Variants in POLR3E observed in about 807,000 individuals in gnomAD.
POLR3E encodes the protein RNA polymerase III subunit E.
Under a neutral mutation model 96.6 loss-of-function variants are expected in POLR3E, and 41 were observed. The ratio of observed to expected loss-of-function variants is 0.42; its 90% CI spans 0.33 to 0.55. The LOEUF (loss-of-function observed/expected upper bound fraction) is 0.55. Ranked by LOEUF, POLR3E falls within the 20% of genes least tolerant of loss-of-function variation. POLR3E has a pLI of 0.06. For missense variants in POLR3E, 849 were observed against 952.1 expected, an observed-to-expected ratio of 0.89 and a Z score of 1.43; for synonymous variants, 396 against 383.6, an observed-to-expected ratio of 1.03 and a Z score of -0.38.
chr16:22,325,538 C>T (rs1191741713), intron 17 of POLR3E, among the ~76,000 whole-genome samples: 2 of 152,124 alleles, frequency 1.3e-5, no homozygotes, highest in African/African-American at 4.8e-5. Context: ...AACAAGCGGG[C>T]CCGGAAGAGC....
At chr16:22,299,167 T>C (rs947965571) in intron 1 of POLR3E, 2 of 397,292 alleles carry the variant, frequency 5.0e-6, no homozygotes, top group Middle Eastern at 3.8e-4. Flanking sequence ...GCGGTGATGA[T>C]ATTTAATAAA....
At chr16:22,316,570 G>T in intron 9 of POLR3E, 31 bp from the exon 10 acceptor site, 1 of 1,573,826 alleles carries the variant, frequency 6.4e-7, no homozygotes, top group African/African-American at 1.3e-5. Flanking sequence ...ATCAGCTGAG[G>T]CTCCTCTCAC....
At chr16:22,311,970 C>T (rs1406455399) in intron 6 of POLR3E, among the ~76,000 whole-genome samples, 1 of 152,084 alleles carries the variant, frequency 6.6e-6, no homozygotes, top group East Asian at 1.9e-4. Flanking sequence ...GTTTGCACAA[C>T]GATGAAATCA....
chr16:22,298,585 T>C (rs188872438), intron 1 of POLR3E, among the ~76,000 whole-genome samples: 5 of 152,180 alleles, frequency 3.3e-5, no homozygotes, highest in Non-Finnish European at 7.3e-5. Flanking sequence ...AGTTTTGTTC[T>C]CGGGTCCAAG....
chr16:22,317,257 G>A (rs2048376612), intron 12 of POLR3E, 51 bp downstream of exon 12: 3 of 1,325,914 alleles, frequency 2.3e-6, no homozygotes, highest in Non-Finnish European at 3.2e-6. Context: ...AGTGGCTCCT[G>A]AGGAATGGAC....
chr16:22,314,036 G>A (rs768134187), intron 7 of POLR3E, 43 bp from the exon 8 acceptor site: 13 of 1,573,516 alleles, frequency 8.3e-6, no homozygotes, highest in African/African-American at 1.3e-5. Flanking sequence ...AAGGGAGGTG[G>A]AGGCTCCCCA....
chr16:22,328,517 C>G lies in POLR3E; in HGVS notation c.1874C>G (p.Pro625Arg). The change falls in exon 19 of 21, where the codon CCC (proline) becomes CGC (arginine). Residue 625 changes from proline to arginine, a missense_variant. Coordinates refer to ENST00000299853, the MANE Select transcript of POLR3E (RefSeq NM_018119.4). ...CCCCTGGGCCTTGGTCAGTTTCCCC[C>G]CCAGACTGCTGCTTCCCCGGATGAG... ...GCKQILVPFP[P>R]QTAASPDEQK... 1.2e-6 allele frequency: 2 copies of G among 1,614,016 alleles called. No individual in the cohort carries two copies. Among genetic ancestry groups the G allele is most frequent in the Non-Finnish European group, 1.7e-6 (2 of 1,179,896 alleles).
chr16:22,326,399 T>G, intron 18 of POLR3E, 121 bp downstream of exon 18: 6 of 828,920 alleles, frequency 7.2e-6, no homozygotes, highest in Non-Finnish European at 9.9e-6. Context: ...CACGTGGGCC[T>G]AGGTGTGACA....
At chr16:22,298,226 G>C (rs1344148715) in intron 1 of POLR3E, among the ~76,000 whole-genome samples, 1 of 152,204 alleles carries the variant, frequency 6.6e-6, no homozygotes, top group African/African-American at 2.4e-5. Context: ...AGATCTTAGC[G>C]ATCTCCACAG....
chr16:22,324,292 C>T, intron 14 of POLR3E, 62 bp from the exon 15 acceptor site: 1 of 1,416,384 alleles, frequency 7.1e-7, no homozygotes, highest in Non-Finnish European at 1.0e-6. Context: ...AGGTGAGTTC[C>T]CGGGACAGTC....
Position 22,334,270 on chromosome 16 carries a change from TTACATGAACCA to T in POLR3E, c.*573_*583del. 6.6e-6 allele frequency: 1 copy of T among 152,390 alleles called. No individual in the cohort carries two copies. The highest frequency in any genetic ancestry group is 1.9e-4 in the East Asian group (1 of 5,184). The allele number at this position is 152,390 out of a possible 1,614,324, so 9.4% of individuals were successfully genotyped here. On this transcript the variant is annotated 3_prime_UTR_variant, in exon 21 of 21. Transcript: ENST00000299853. ...TACTTTATGTAGCAGTCTCAACTGT[TTACATGAACCA>T]TAGCAAAAAAATCAGAATCAAATCC...
intron 1 of POLR3E, among the ~76,000 whole-genome samples, chr16:22,297,870 G>C (rs2047928271): frequency 6.6e-6 from 1 of 152,318 alleles, no homozygotes; most frequent in Middle Eastern, 3.4e-3. Context: ...GTGGCGGCTC[G>C]CGGCAGGGAC....
At chr16:22,300,522 A>T (rs535265871) in intron 1 of POLR3E, among the ~76,000 whole-genome samples, 1 of 152,092 alleles carries the variant, frequency 6.6e-6, no homozygotes. Flanking sequence ...CGTCTTGGGA[A>T]CCTCCCAGGC....
At chr16:22,320,984 G>A (rs1188938457) in intron 13 of POLR3E, among the ~76,000 whole-genome samples, 1 of 152,202 alleles carries the variant, frequency 6.6e-6, no homozygotes, top group African/African-American at 2.4e-5. Context: ...TCGTTTAGAT[G>A]TGTCTTTAAG....
rs12598535 is a variant in POLR3E, at chr16:22,313,279, G to A, written c.365-341G>A. Among the ~76,000 whole-genome samples, 5,461 of 152,288 alleles carry A rather than the reference G, an allele frequency of 0.036. 206 individuals carry two copies. Among genetic ancestry groups the A allele is most frequent in the East Asian group, 0.1 (536 of 5,176 alleles). On this transcript the variant is annotated intron_variant, in intron 6 of 20. Transcript: ENST00000299853. The surrounding 1 kb of genome is among the most constrained non-coding windows in gnomAD (Gnocchi z 4.1). ...GCCGAGGCCTGGAGGGTAAACAGCA[G>A]GGCGAATTTGATGAGGATTAGCTGC...
intron 14 of POLR3E, among the ~76,000 whole-genome samples, chr16:22,323,951 C>A (rs1194153730): frequency 6.6e-6 from 1 of 152,172 alleles, no homozygotes; most frequent in Non-Finnish European, 1.5e-5. Context: ...GGGCTGAGAG[C>A]TTCTGGAAGG....
chr16:22,311,268 C>CTT (rs57435708), intron 6 of POLR3E, among the ~76,000 whole-genome samples: 14,962 of 109,088 alleles, frequency 0.14, 2,585 homozygotes, highest in African/African-American at 0.4. Context: ...TGTGCCCAGC[C>CTT]TTTTTTTTTT....
chr16:22,314,227 C>T, intron 8 of POLR3E, 99 bp downstream of exon 8: 1 of 924,688 alleles, frequency 1.1e-6, no homozygotes. Flanking sequence ...GTGGAGCAGA[C>T]AGGGCCCATG....
rs1436081567 is a variant in POLR3E, at chr16:22,297,531, CG to C, written c.-43del. 1 of 152,472 alleles carries C rather than the reference CG, an allele frequency of 6.6e-6. No homozygotes were observed. Among genetic ancestry groups the C allele is most frequent in the Non-Finnish European group, 1.5e-5 (1 of 68,232 alleles). The allele number at this position is 152,472 out of a possible 1,614,324, so 9.4% of individuals were successfully genotyped here. ...TGCCGCCGTCCGCGCTCGGCCCCCG[CG>C]GAGAGGTGAGTCCCGTCTTGGCAGT... On this transcript the variant is annotated 5_prime_UTR_variant, in exon 1 of 21. Transcript: ENST00000299853.
Sources: gnomAD v4.1 joint callset for allele counts (sites outside exome capture counted in the v4.1 genomes callset) on GRCh38, gnomAD v4.1.1 for gene constraint, Gnocchi (gnomAD v3.1) non-coding constraint, MANE v1.5 for transcripts, NCBI Gene and HGNC (gene_info 2026-07-23, HGNC 2026-07-21) for gene names.